SHOC2: variants seen among roughly 807,000 people sequenced by gnomAD.
SHOC2 encodes the protein leucine-rich repeat protein SHOC-2.
SHOC2 carries 4 observed loss-of-function variants against 50.2 expected under a neutral mutation model. The observed-to-expected ratio is 0.08, with a 90% CI of 0.04 to 0.18. The LOEUF (loss-of-function observed/expected upper bound fraction) is 0.18. SHOC2 is among the 10% of genes least tolerant of loss of function. SHOC2 has a pLI of 1.00. For missense variants in SHOC2, 388 were observed against 669.6 expected, an observed-to-expected ratio of 0.58 and a Z score of 4.64; for synonymous variants, 218 against 244.5, an observed-to-expected ratio of 0.89 and a Z score of 1.01.
intron 1 of SHOC2, 29 bp downstream of exon 1, chr10:110,919,686 G>T: frequency 2.5e-6 from 1 of 398,278 alleles, no homozygotes; most frequent in Non-Finnish European, 4.4e-6. Flanking sequence ...GGCGGAGGGT[G>T]TCTGTTGGTC....
chr10:111,010,545 G>A (rs936080437), intron 8 of SHOC2, among the ~76,000 whole-genome samples: 1 of 152,092 alleles, frequency 6.6e-6, no homozygotes, highest in African/African-American at 2.4e-5. Context: ...GGTAGCGGGA[G>A]GGGGGAAGGA....
chr10:110,955,444 A>G (rs1847441332), intron 1 of SHOC2, among the ~76,000 whole-genome samples: 1 of 152,216 alleles, frequency 6.6e-6, no homozygotes, highest in South Asian at 2.1e-4. Flanking sequence ...TTTTGGAAGG[A>G]AATCAAGTTT....
chr10:110,928,963 A>G (rs775523106), intron 1 of SHOC2, among the ~76,000 whole-genome samples: 4 of 152,028 alleles, frequency 2.6e-5, no homozygotes, highest in Non-Finnish European at 4.4e-5. Flanking sequence ...ATATGAAAAA[A>G]CTTTCCTGGC....
At chr10:110,965,192 T>C in intron 2 of SHOC2, 131 bp downstream of exon 2, 1 of 774,036 alleles carries the variant, frequency 1.3e-6, no homozygotes, top group Admixed American at 2.3e-5. Context: ...TTTTTTATGG[T>C]TTACTTTATT....
intron 1 of SHOC2, among the ~76,000 whole-genome samples, chr10:110,932,984 C>T (rs1242410119): frequency 6.6e-6 from 1 of 152,178 alleles, no homozygotes; most frequent in East Asian, 1.9e-4. Context: ...TCATATCATT[C>T]CATGTACTTC....
chr10:111,004,505 C>T (rs1402321414), intron 4 of SHOC2, 101 bp from the exon 5 acceptor site: 10 of 804,702 alleles, frequency 1.2e-5, no homozygotes, highest in Non-Finnish European at 1.7e-5. Flanking sequence ...CATTTGTCAC[C>T]CCCCAAAGCC....
intron 2 of SHOC2, among the ~76,000 whole-genome samples, chr10:110,978,098 C>G (rs933677726): frequency 6.6e-6 from 1 of 152,222 alleles, no homozygotes; most frequent in Non-Finnish European, 1.5e-5. Context: ...GTTCTATATT[C>G]CTTCCCTGCT....
chr10:110,922,500 G>A (rs1392388145), intron 1 of SHOC2, among the ~76,000 whole-genome samples: 1 of 151,986 alleles, frequency 6.6e-6, no homozygotes, highest in Non-Finnish European at 1.5e-5. Flanking sequence ...ACAGAAATCT[G>A]TGTTTTAACT....
chr10:110,961,048 T>C (rs758664925), intron 1 of SHOC2, among the ~76,000 whole-genome samples: 1 of 152,146 alleles, frequency 6.6e-6, no homozygotes, highest in Non-Finnish European at 1.5e-5. Flanking sequence ...ATCAAGTGCT[T>C]CATATGCGGT....
At chr10:111,000,270 T>C (rs996646996) in intron 3 of SHOC2, 145 bp from the exon 4 acceptor site, 4 of 699,346 alleles carry the variant, frequency 5.7e-6, no homozygotes, top group Non-Finnish European at 9.9e-6. Flanking sequence ...GATAGTGTAG[T>C]GTGAGTTCCT....
intron 4 of SHOC2, among the ~76,000 whole-genome samples, chr10:111,003,172 T>G (rs1848411230): frequency 6.6e-6 from 1 of 152,230 alleles, no homozygotes; most frequent in African/African-American, 2.4e-5. Context: ...ATATAGTTAC[T>G]TCATTCCTTC....
intron 5 of SHOC2, among the ~76,000 whole-genome samples, 191 bp from the exon 6 acceptor site, chr10:111,007,340 G>A (rs1013524176): frequency 2.6e-5 from 4 of 152,046 alleles, no homozygotes; most frequent in Non-Finnish European, 5.9e-5. Context: ...CCAAATAAAA[G>A]CCTCATTACT....
chr10:110,958,568 T>A (rs946069387), intron 1 of SHOC2, among the ~76,000 whole-genome samples: 2 of 152,152 alleles, frequency 1.3e-5, no homozygotes, highest in Non-Finnish European at 2.9e-5. Flanking sequence ...ATCTTCTACA[T>A]GCGTTTTGTG....
chr10:110,946,715 T>C (rs1847252870), intron 1 of SHOC2, among the ~76,000 whole-genome samples: 2 of 151,998 alleles, frequency 1.3e-5, no homozygotes, highest in Admixed American at 6.6e-5. Flanking sequence ...TTAATATGAA[T>C]GGAATGCAAG....
In SHOC2 at chr10:111,009,340, A is replaced by G; in HGVS notation, c.1377A>G (p.Lys459=). The G allele has an allele frequency of 6.2e-7, 1 of 1,609,386 alleles. No homozygotes were observed. Residue 459 remains lysine (K), a synonymous_variant, in exon 7 of 9, where the codon AAA becomes AAG. Coordinates refer to ENST00000369452, the MANE Select transcript of SHOC2 (RefSeq NM_007373.4). ...KLRELDLEEN[K]LESLPNEIAY... ...GAGAGTTGGATCTAGAAGAGAACAAATTGGAATCCTTGCCAAATGAAATTG... is the reference window on the plus strand; with the variant it reads ...GAGAGTTGGATCTAGAAGAGAACAAGTTGGAATCCTTGCCAAATGAAATTG...
At chr10:110,989,724 G>A (rs1848146020) in intron 3 of SHOC2, among the ~76,000 whole-genome samples, 1 of 152,070 alleles carries the variant, frequency 6.6e-6, no homozygotes, top group African/African-American at 2.4e-5. Context: ...TTATTTATCA[G>A]TGTTTATTTT....
At chr10:110,931,160 T>C (rs1481650525) in intron 1 of SHOC2, among the ~76,000 whole-genome samples, 1 of 152,190 alleles carries the variant, frequency 6.6e-6, no homozygotes, top group Non-Finnish European at 1.5e-5. Context: ...TTTATTTTGC[T>C]TCCTTACCAA....
Position 110,979,451 on chromosome 10 carries a change from G to A in SHOC2, c.704-6177G>A, listed in dbSNP as rs149557185. On this transcript the variant is annotated intron_variant, in intron 2 of 8. Transcript: ENST00000369452. ...TCAAGGGGAGGGGTAATTATATAAC[G>A]TATACAATTATTCATGAGGCAGGGC... 2.8e-3 allele frequency among the ~76,000 whole-genome samples: 429 copies of A among 152,244 alleles called. 1 individual carries two copies. The highest frequency in any genetic ancestry group is 0.01 in the African/African-American group (416 of 41,538).
chr10:110,930,313 A>G (rs1456054535), intron 1 of SHOC2, among the ~76,000 whole-genome samples: 1 of 151,628 alleles, frequency 6.6e-6, no homozygotes, highest in Admixed American at 6.6e-5. Flanking sequence ...GAGACCACAC[A>G]CTCCTAGTCT....
Sources: allele counts gnomAD v4.1 joint callset (sites outside exome capture counted in the v4.1 genomes callset), GRCh38; gene constraint gnomAD v4.1.1; transcripts MANE v1.5; gene names NCBI Gene and HGNC (gene_info 2026-07-23, HGNC 2026-07-21).